Variants in FOCAD observed in about 807,000 individuals in gnomAD.
FOCAD encodes the protein KIAA1797.
In FOCAD, 198 loss-of-function variants were observed where a neutral mutation model predicts 225.6. That is an observed-to-expected ratio of 0.88 (90% confidence interval 0.78 to 0.99). The LOEUF is 0.99. Ranked by LOEUF, FOCAD falls within the 50% of genes least tolerant of loss-of-function variation. The pLI is 0.00. For synonymous variants in FOCAD, 897 were observed against 755.0 expected, an observed-to-expected ratio of 1.19 and a Z score of -3.08; for missense variants, 2,713 against 2,123.6, an observed-to-expected ratio of 1.28 and a Z score of -5.46.
chr9:20,730,705 A>T (rs947012512), intron 4 of FOCAD, among the ~76,000 whole-genome samples: 1 of 152,204 alleles, frequency 6.6e-6, no homozygotes, highest in African/African-American at 2.4e-5. Flanking sequence ...CCCGGTCTTA[A>T]TATTAAGTCA....
intron 10 of FOCAD, among the ~76,000 whole-genome samples, chr9:20,789,088 T>G (rs1423135539): frequency 6.6e-6 from 1 of 152,206 alleles, no homozygotes; most frequent in Non-Finnish European, 1.5e-5. Context: ...GATCCATATA[T>G]TCTGCCTTAA....
intron 10 of FOCAD, among the ~76,000 whole-genome samples, chr9:20,788,913 T>C (rs1165467474): frequency 2.6e-5 from 4 of 152,200 alleles, no homozygotes; most frequent in East Asian, 1.9e-4. Flanking sequence ...CAGAAATGAA[T>C]TGTCCTCAGT....
At chr9:20,862,540 G>C in intron 15 of FOCAD, 38 bp from the exon 16 acceptor site, 1 of 1,602,140 alleles carries the variant, frequency 6.2e-7, no homozygotes, top group Admixed American at 1.7e-5. Context: ...ATAGGTTGGA[G>C]TCTTGTTAGG....
At chr9:20,977,120 C>T (rs1840295879) in intron 36 of FOCAD, among the ~76,000 whole-genome samples, 1 of 152,122 alleles carries the variant, frequency 6.6e-6, no homozygotes, top group Admixed American at 6.5e-5. Flanking sequence ...CTTGTGGCCC[C>T]CTTTCTGCAT....
At chr9:20,760,244 C>G (rs1829458959) in intron 6 of FOCAD, among the ~76,000 whole-genome samples, 1 of 152,226 alleles carries the variant, frequency 6.6e-6, no homozygotes, top group Admixed American at 6.5e-5. Flanking sequence ...AAGCATGGAG[C>G]ATGTTCCCAC....
intron 35 of FOCAD, among the ~76,000 whole-genome samples, chr9:20,958,444 G>GTACA (rs1353704873): frequency 8.6e-5 from 13 of 151,882 alleles, no homozygotes; most frequent in Non-Finnish European, 1.6e-4. Context: ...TATTCATGGA[G>GTACA]TACATAGAGA....
At chr9:20,881,272 G>A (rs1398555373) in intron 19 of FOCAD, among the ~76,000 whole-genome samples, 2 of 152,202 alleles carry the variant, frequency 1.3e-5, no homozygotes, top group Non-Finnish European at 2.9e-5. Flanking sequence ...TTGAGGAATG[G>A]AAAGAGGCCA....
At chr9:20,723,858 A>G (rs1378206261) in intron 4 of FOCAD, among the ~76,000 whole-genome samples, 1 of 152,204 alleles carries the variant, frequency 6.6e-6, no homozygotes, top group African/African-American at 2.4e-5. Context: ...TTACAGTTCT[A>G]CAGGCTGTAC....
At chr9:20,806,312 G>C (rs1343589092) in intron 11 of FOCAD, among the ~76,000 whole-genome samples, 1 of 152,160 alleles carries the variant, frequency 6.6e-6, no homozygotes, top group African/African-American at 2.4e-5. Context: ...CAAATGGCAA[G>C]TTTTTGGAGC....
chr9:20,731,763 A>G (rs1326970840), intron 4 of FOCAD, among the ~76,000 whole-genome samples: 1 of 151,938 alleles, frequency 6.6e-6, no homozygotes, highest in Non-Finnish European at 1.5e-5. Context: ...GACTACAGAC[A>G]TGTGCCACCA....
intron 2 of FOCAD, among the ~76,000 whole-genome samples, chr9:20,664,168 A>G (rs747433501): frequency 6.6e-6 from 1 of 151,672 alleles, no homozygotes; most frequent in Non-Finnish European, 1.5e-5. Flanking sequence ...TTTAAATAAC[A>G]TATGTTTTCC....
chr9:20,811,901 T>C (rs1029643754), intron 11 of FOCAD, among the ~76,000 whole-genome samples: 4 of 152,122 alleles, frequency 2.6e-5, no homozygotes, highest in Admixed American at 6.6e-5. Context: ...TTTCTGTATA[T>C]ATCATGCAAG....
intron 11 of FOCAD, among the ~76,000 whole-genome samples, chr9:20,799,743 G>C (rs202069652): frequency 6.6e-5 from 10 of 152,094 alleles, no homozygotes; most frequent in African/African-American, 2.2e-4. Context: ...ATGTTTGTCT[G>C]TGCATGTGAG....
At chr9:20,814,868 T>G (rs1823493888) in intron 11 of FOCAD, among the ~76,000 whole-genome samples, 6 of 152,110 alleles carry the variant, frequency 3.9e-5, no homozygotes, top group Admixed American at 3.9e-4. Flanking sequence ...CATGGTTTTT[T>G]TAGTTATTTA....
At chr9:20,764,813 C>T (rs1829914842) in intron 6 of FOCAD, 56 bp from the exon 7 acceptor site, 12 of 1,363,314 alleles carry the variant, frequency 8.8e-6, no homozygotes, top group Non-Finnish European at 1.0e-5. Flanking sequence ...TTGCCACTTA[C>T]CTGCTTGATA....
chr9:20,765,171 A>G (rs1194140696), intron 7 of FOCAD, 98 bp downstream of exon 7: 2 of 1,040,930 alleles, frequency 1.9e-6, no homozygotes, highest in African/African-American at 3.2e-5. Context: ...GATTTGGCAA[A>G]CTCAGACATG....
chr9:20,894,911 T>G (rs959719475), intron 21 of FOCAD, among the ~76,000 whole-genome samples: 1 of 152,094 alleles, frequency 6.6e-6, no homozygotes, highest in African/African-American at 2.4e-5. Context: ...AGCCTAACAT[T>G]ATAGATATTA....
intron 23 of FOCAD, among the ~76,000 whole-genome samples, chr9:20,915,594 A>G (rs1038731715): frequency 6.6e-6 from 1 of 152,188 alleles, no homozygotes; most frequent in Non-Finnish European, 1.5e-5. Context: ...AGAAGGATCT[A>G]GAGAGAGTGG....
At chr9:20,828,222 A>AGAT (rs1825112569) in intron 15 of FOCAD, among the ~76,000 whole-genome samples, 1 of 152,014 alleles carries the variant, frequency 6.6e-6, no homozygotes, top group Non-Finnish European at 1.5e-5. Context: ...TAACTATGTA[A>AGAT]GATGATAGAT....
Sources: gnomAD v4.1 joint callset for allele counts (sites outside exome capture counted in the v4.1 genomes callset) on GRCh38, gnomAD v4.1.1 for gene constraint, MANE v1.5 for transcripts, NCBI Gene and HGNC (gene_info 2026-07-23, HGNC 2026-07-21) for gene names.